The following HVCN1 variants were observed in gnomAD, a reference collection of about 807,000 sequenced individuals.
HVCN1 encodes hydrogen voltage gated channel 1, also known as voltage-gated hydrogen channel 1.
HVCN1 carries 14 observed loss-of-function variants against 29.2 expected under a neutral mutation model. That is an observed-to-expected ratio of 0.48 (90% CI 0.32 to 0.75). HVCN1 has a LOEUF of 0.75. HVCN1 is among the 30% of genes least tolerant of loss of function. HVCN1 has a pLI of 0.04. For synonymous variants in HVCN1, 131 were observed against 133.2 expected (o/e 0.98, Z 0.11); for missense variants, 263 against 341.8 (o/e 0.77, Z 1.82).
Position 110,661,400 on chromosome 12 carries a change from A to G in HVCN1, c.70T>C (p.Phe24Leu), listed in dbSNP as rs2068166264. The change falls in exon 4 of 8, where the codon TTC becomes CTC. Residue 24 changes from phenylalanine (F) to leucine (L), a missense_variant. Physicochemically the swap from Phe to Leu is conservative, Grantham distance 22. This residue lies in a region of HVCN1 where 157 missense variants were observed against 181.3 expected (regional missense o/e 0.87). Coordinates refer to ENST00000242607, the MANE Select transcript of HVCN1 (RefSeq NM_032369.4). The surrounding 1 kb of genome is among the most constrained non-coding windows in gnomAD (Gnocchi z 6.2). ...CCCACGACCGTGAAGTGCCTTAAGA[A>G]CTTGCTCATCCTCTCAGCGGGAGCC... is the stretch of plus-strand genomic sequence containing the variant. ...KVAPAERMSK[F>L]LRHFTVVGDD... 3.1e-6 allele frequency: 5 copies of G among 1,613,970 alleles called. No individual in the cohort carries two copies. The highest frequency in any genetic ancestry group is 4.2e-6 in the Non-Finnish European group (5 of 1,180,018).
In HVCN1 at chr12:110,675,735, A is replaced by G. The variant is rs917002674; in HGVS notation, c.21+7490T>C. ...AGCCTGGCCAACATGGTGAAACTCT[A>G]TCTCTACTAAAAATACAAAAATTAG... On this transcript the variant is annotated intron_variant, in intron 3 of 7. Coordinates refer to ENST00000242607, the MANE Select transcript of HVCN1 (RefSeq NM_032369.4). Among the ~76,000 whole-genome samples, 19 of 151,696 alleles carry G rather than the reference A, an allele frequency of 1.3e-4. 1 individual carries two copies. Among genetic ancestry groups the G allele is most frequent in the Admixed American group, 9.2e-4 (14 of 15,254 alleles).
chr12:110,651,260 C>A lies in HVCN1; in HGVS notation c.600G>T (p.Leu200=). 6.2e-7 allele frequency: 1 copy of A among 1,614,020 alleles called. No individual in the cohort carries two copies. Among genetic ancestry groups the A allele is most frequent in the Non-Finnish European group, 8.5e-7 (1 of 1,179,950 alleles). ...FQEHQFEALG[L]LILLRLWRVA... ...CCCGCCACAGCCGGAGCAGAATCAG[C>A]AGGCCCAGAGCCTCAAACTGGTGCT... The change falls in exon 6 of 8, where the codon CTG becomes CTT. Residue 200 remains leucine, a synonymous_variant. Coordinates refer to ENST00000242607, the MANE Select transcript of HVCN1 (RefSeq NM_032369.4).
Position 110,658,741 on chromosome 12 carries a change from C to T in HVCN1, c.306+2423G>A, listed in dbSNP as rs2068069053. ...TCAGTGATGGCTCCCGTCATTCCTG[C>T]CTTTCTGCAGCCTGCCAAATCCTCA... On this transcript the variant is annotated intron_variant, in intron 4 of 7. Coordinates refer to ENST00000242607, the MANE Select transcript of HVCN1 (RefSeq NM_032369.4). The surrounding 1 kb of genome is among the most constrained non-coding windows in gnomAD (Gnocchi z 5.0). Among the ~76,000 whole-genome samples the T allele has an allele frequency of 6.6e-6, 1 of 152,214 alleles. No individual in the cohort carries two copies. Among genetic ancestry groups the T allele is most frequent in the South Asian group, 2.1e-4 (1 of 4,824 alleles).
intron 3 of HVCN1, among the ~76,000 whole-genome samples, chr12:110,664,539 C>T (rs373946964): frequency 6.6e-6 from 1 of 152,084 alleles, no homozygotes; most frequent in African/African-American, 2.4e-5. Flanking sequence ...ACAGATTATC[C>T]CTCCTGCCAT....
At position 110,655,443 on chromosome 12, in the gene HVCN1, C is replaced by T. The variant is rs974880193; in HGVS notation, c.307-105G>A. 3.2e-5 allele frequency: 26 copies of T among 815,132 alleles called. No homozygotes were observed. In the East Asian group the frequency reaches 6.9e-4, roughly 22 times the overall value. The allele number at this position is 815,132 out of a possible 1,614,324, so 50.5% of individuals were successfully genotyped here. ...GAAGCACGTGGGTGAAACCACTGGGCAAAGCCATTAAGGATGGGAGGCTAC... is the reference window on the plus strand; with the variant it reads ...GAAGCACGTGGGTGAAACCACTGGGTAAAGCCATTAAGGATGGGAGGCTAC... On this transcript the variant is annotated intron_variant, in intron 4 of 7. Coordinates refer to ENST00000242607, the MANE Select transcript of HVCN1 (RefSeq NM_032369.4).
intron 2 of HVCN1, among the ~76,000 whole-genome samples, chr12:110,701,480 G>A (rs1395251156): frequency 6.6e-6 from 1 of 152,178 alleles, no homozygotes; most frequent in East Asian, 1.9e-4. Context: ...GATCTTCAGG[G>A]CACCCAATTT....
rs1367898748 is a variant in HVCN1 at position 110,658,379 on chromosome 12, G to A, written c.306+2785C>T. On this transcript the variant is annotated intron_variant, in intron 4 of 7. Transcript: ENST00000242607. The surrounding 1 kb of genome is among the most constrained non-coding windows in gnomAD (Gnocchi z 5.0). ...TGCCACCAAGTCCCTCCACAAATCTGATCTCCCACCCACACACTTAGAGCT... is the reference window on the plus strand; with the variant it reads ...TGCCACCAAGTCCCTCCACAAATCTAATCTCCCACCCACACACTTAGAGCT... Among the ~76,000 whole-genome samples, 1 of 151,994 alleles carries A rather than the reference G, an allele frequency of 6.6e-6. No homozygotes were observed. Among genetic ancestry groups the A allele is most frequent in the East Asian group, 1.9e-4 (1 of 5,176 alleles).
At chr12:110,697,058 C>T (rs1307659102) in intron 2 of HVCN1, among the ~76,000 whole-genome samples, 1 of 151,640 alleles carries the variant, frequency 6.6e-6, no homozygotes, top group African/African-American at 2.4e-5. Context: ...GAGGAAGGGG[C>T]AGAGCACCGG....
intron 3 of HVCN1, among the ~76,000 whole-genome samples, chr12:110,662,718 A>ACAAC (rs549588682): frequency 9.2e-4 from 140 of 152,208 alleles, no homozygotes; most frequent in African/African-American, 3.2e-3. Flanking sequence ...ACACAAACAA[A>ACAAC]CAACACAAAA....
chr12:110,696,901 A>G (rs1435990860), intron 2 of HVCN1, among the ~76,000 whole-genome samples: 1 of 152,186 alleles, frequency 6.6e-6, no homozygotes, highest in Admixed American at 6.5e-5. Context: ...ATTATAGGGA[A>G]GATAAAAATG....
At chr12:110,697,376 A>G (rs2069509185) in intron 2 of HVCN1, among the ~76,000 whole-genome samples, 1 of 152,146 alleles carries the variant, frequency 6.6e-6, no homozygotes, top group African/African-American at 2.4e-5. Flanking sequence ...GGTAGAAGGA[A>G]AAACCAAGGG....
intron 3 of HVCN1, among the ~76,000 whole-genome samples, chr12:110,663,034 A>T (rs1297799015): frequency 6.6e-6 from 1 of 152,228 alleles, no homozygotes; most frequent in Admixed American, 6.5e-5. Context: ...TGAAGTAACA[A>T]TAGCACATCT....
intron 4 of HVCN1, among the ~76,000 whole-genome samples, chr12:110,656,601 C>T (rs952881180): frequency 7.9e-5 from 12 of 152,060 alleles, no homozygotes; most frequent in Admixed American, 2.6e-4. Flanking sequence ...AGGGCCTTGC[C>T]GCTCACACTC....
chr12:110,669,537 T>C (rs977124496), intron 3 of HVCN1, among the ~76,000 whole-genome samples: 39 of 151,640 alleles, frequency 2.6e-4, no homozygotes, highest in African/African-American at 9.4e-4. Flanking sequence ...CGGACCACGC[T>C]CTCTTGCTTC....
intron 3 of HVCN1, among the ~76,000 whole-genome samples, chr12:110,678,604 C>A (rs1003498412): frequency 3.3e-5 from 5 of 151,802 alleles, no homozygotes; most frequent in African/African-American, 4.8e-5. Flanking sequence ...GTATGCACCA[C>A]CACGCCTGGC....
At chr12:110,673,585 G>A (rs1173543644) in intron 3 of HVCN1, among the ~76,000 whole-genome samples, 2 of 152,156 alleles carry the variant, frequency 1.3e-5, no homozygotes, top group Admixed American at 1.3e-4. Flanking sequence ...TCCCATCACA[G>A]ACCCAGAGGC....
intron 3 of HVCN1, among the ~76,000 whole-genome samples, chr12:110,682,412 T>C (rs1472578384): frequency 6.6e-6 from 1 of 152,098 alleles, no homozygotes; most frequent in Non-Finnish European, 1.5e-5. Context: ...TTGACCAGGC[T>C]CATCTTGAAC....
intron 3 of HVCN1, among the ~76,000 whole-genome samples, chr12:110,665,172 A>C (rs2068301603): frequency 6.6e-6 from 1 of 152,220 alleles, no homozygotes; most frequent in Non-Finnish European, 1.5e-5. Flanking sequence ...ACTCAACATC[A>C]TAGATGCATA....
chr12:110,688,913 C>T (rs1593542381), intron 1 of HVCN1, among the ~76,000 whole-genome samples, 167 bp downstream of exon 1: 1 of 152,148 alleles, frequency 6.6e-6, no homozygotes, highest in Non-Finnish European at 1.5e-5. Context: ...CACGCCAGAG[C>T]CGAGGGCAAC....
Sources: gnomAD v4.1 joint callset for allele counts (sites outside exome capture counted in the v4.1 genomes callset) on GRCh38, gnomAD v4.1.1 for gene constraint, gnomAD v4.1.1 regional missense constraint, Gnocchi (gnomAD v3.1) non-coding constraint, MANE v1.5 for transcripts, NCBI Gene and HGNC (gene_info 2026-07-23, HGNC 2026-07-21) for gene names.